EYS: variants seen among roughly 807,000 people sequenced by gnomAD.
The protein encoded by EYS is protein eyes shut homolog.
In EYS, 250 loss-of-function variants were observed where a neutral mutation model predicts 282.1. The ratio of observed to expected loss-of-function variants is 0.89; its 90% CI spans 0.80 to 0.98. EYS has a LOEUF of 0.98. Ranked by LOEUF, EYS falls within the 50% of genes least tolerant of loss-of-function variation. The pLI, the probability that EYS is intolerant of heterozygous loss-of-function variation, is 0.00. For synonymous variants in EYS, 1,355 were observed against 1,282.9 expected, an observed-to-expected ratio of 1.06 and a Z score of -1.20; for missense variants, 4,016 against 3,709.0, an observed-to-expected ratio of 1.08 and a Z score of -2.15.
At chr6:64,307,624 A>T (rs925417671) in intron 29 of EYS, among the ~76,000 whole-genome samples, 2 of 152,102 alleles carry the variant, frequency 1.3e-5, no homozygotes, top group Non-Finnish European at 2.9e-5. Flanking sequence ...GAATAAACAA[A>T]TCTACAGACC....
At chr6:64,509,559 G>A (rs9451846) in intron 26 of EYS, among the ~76,000 whole-genome samples, 3,488 of 152,208 alleles carry the variant, frequency 0.023, 55 homozygotes, top group African/African-American at 0.047. Flanking sequence ...ATAGACTGCC[G>A]TCATTGCTAC....
At chr6:63,884,629 TA>T (rs937561627) in intron 35 of EYS, among the ~76,000 whole-genome samples, 11 of 152,338 alleles carry the variant, frequency 7.2e-5, no homozygotes, top group Middle Eastern at 3.4e-3. Flanking sequence ...TTGTAAGTTT[TA>T]AAAATATAAA....
At chr6:65,033,760 A>G (rs1049757533) in intron 13 of EYS, among the ~76,000 whole-genome samples, 2 of 152,154 alleles carry the variant, frequency 1.3e-5, no homozygotes, top group Non-Finnish European at 2.9e-5. Flanking sequence ...GGCAGTGCTG[A>G]GGGAAAAAGT....
intron 22 of EYS, among the ~76,000 whole-genome samples, chr6:64,804,919 A>G (rs908089240): frequency 6.6e-6 from 1 of 152,076 alleles, no homozygotes; most frequent in Non-Finnish European, 1.5e-5. Context: ...ATCTATTTAT[A>G]AGAACTTCTG....
intron 22 of EYS, among the ~76,000 whole-genome samples, chr6:64,664,584 A>G (rs1476077562): frequency 6.6e-6 from 1 of 152,190 alleles, no homozygotes; most frequent in Non-Finnish European, 1.5e-5. Flanking sequence ...CCAAATTCAT[A>G]TGTTGAAATC....
intron 35 of EYS, among the ~76,000 whole-genome samples, chr6:63,872,351 T>C (rs1772829713): frequency 6.6e-6 from 1 of 151,918 alleles, no homozygotes; most frequent in South Asian, 2.1e-4. Flanking sequence ...GGTATGTGTG[T>C]GTAAGTGTGC....
intron 22 of EYS, among the ~76,000 whole-genome samples, chr6:64,720,895 G>A (rs1019908373): frequency 6.6e-6 from 1 of 152,118 alleles, no homozygotes; most frequent in African/African-American, 2.4e-5. Flanking sequence ...GCAAACATCT[G>A]CATTTTTTTA....
chr6:63,744,990 T>A (rs1237718330), intron 41 of EYS: 2 of 433,414 alleles, frequency 4.6e-6, no homozygotes, highest in Non-Finnish European at 9.1e-6. Flanking sequence ...GATAAATTAT[T>A]TGAAAACATC....
At chr6:65,327,628 ATAATGTATCC>A (rs1228200138) in intron 11 of EYS, among the ~76,000 whole-genome samples, 5 of 151,748 alleles carry the variant, frequency 3.3e-5, no homozygotes, top group Admixed American at 3.3e-4. Flanking sequence ...AATGGAATTC[ATAATGTATCC>A]TACCTACACA....
intron 2 of EYS, among the ~76,000 whole-genome samples, chr6:65,618,705 T>G (rs12212640): frequency 6.6e-6 from 1 of 152,074 alleles, no homozygotes; most frequent in African/African-American, 2.4e-5. Context: ...TATAAGTCTT[T>G]AATCCATCTT....
intron 28 of EYS, among the ~76,000 whole-genome samples, chr6:64,432,341 C>G (rs1029999079): frequency 3.6e-4 from 55 of 151,838 alleles, no homozygotes; most frequent in African/African-American, 1.3e-3. Context: ...TTGGTAGATA[C>G]TTAGAAAAAT....
At chr6:64,612,162 C>T (rs187902894) in intron 24 of EYS, among the ~76,000 whole-genome samples, 3 of 152,186 alleles carry the variant, frequency 2.0e-5, no homozygotes, top group Admixed American at 6.5e-5. Context: ...TTCTGTAGAA[C>T]TCAGAACCCT....
intron 10 of EYS, among the ~76,000 whole-genome samples, chr6:65,342,057 C>T (rs1339717864): frequency 6.6e-6 from 1 of 151,038 alleles, no homozygotes; most frequent in Admixed American, 6.6e-5. Context: ...TTGAGAAAAA[C>T]ATTGGGCTCC....
At chr6:65,059,267 C>A (rs1439560471) in intron 12 of EYS, among the ~76,000 whole-genome samples, 1 of 151,842 alleles carries the variant, frequency 6.6e-6, no homozygotes, top group Non-Finnish European at 1.5e-5. Context: ...TTATTGAAGG[C>A]TATTGCAATC....
At chr6:65,574,661 C>T (rs1174704372) in intron 2 of EYS, among the ~76,000 whole-genome samples, 1 of 152,006 alleles carries the variant, frequency 6.6e-6, no homozygotes, top group Non-Finnish European at 1.5e-5. Flanking sequence ...TGTAATACAA[C>T]AATAGTAGGA....
intron 12 of EYS, among the ~76,000 whole-genome samples, chr6:65,181,018 A>G (rs970221022): frequency 6.6e-6 from 1 of 152,176 alleles, no homozygotes; most frequent in African/African-American, 2.4e-5. Flanking sequence ...AGAAAGCTGA[A>G]ACTGGATCCC....
intron 19 of EYS, among the ~76,000 whole-genome samples, chr6:64,839,019 A>T (rs1373153304): frequency 3.3e-5 from 5 of 152,046 alleles, no homozygotes; most frequent in Non-Finnish European, 7.4e-5. Context: ...GCTTAATTTT[A>T]CCTACTTCTC....
intron 5 of EYS, among the ~76,000 whole-genome samples, chr6:65,473,312 G>A (rs1014797333): frequency 1.3e-5 from 2 of 151,874 alleles, no homozygotes; most frequent in African/African-American, 2.4e-5. Flanking sequence ...TTAGGAAAGA[G>A]AAATTGAACA....
intron 2 of EYS, among the ~76,000 whole-genome samples, chr6:65,506,913 T>G (rs1208873350): frequency 6.6e-6 from 1 of 152,202 alleles, no homozygotes; most frequent in Non-Finnish European, 1.5e-5. Context: ...CACCTATCCA[T>G]AGGCTACAAT....
Sources: allele counts gnomAD v4.1 joint callset (sites outside exome capture counted in the v4.1 genomes callset), GRCh38; gene constraint gnomAD v4.1.1; transcripts MANE v1.5; gene names NCBI Gene and HGNC (gene_info 2026-07-23, HGNC 2026-07-21).